Variants in DIP2A observed in about 807,000 individuals in gnomAD.
The protein encoded by DIP2A is disco-interacting protein 2 homolog A.
Under a neutral mutation model 177.4 loss-of-function variants are expected in DIP2A, and 85 were observed. The observed-to-expected ratio is 0.48, with a 90% CI of 0.40 to 0.57. The LOEUF is 0.57. DIP2A is among the 20% of genes least tolerant of loss of function. The pLI is 0.00. For missense variants in DIP2A, 1,791 were observed against 2,100.2 expected (o/e 0.85, Z 2.88); for synonymous variants, 886 against 881.8 (o/e 1.00, Z -0.08).
Position 46,549,857 on chromosome 21 carries a change from G to T in DIP2A, c.2609G>T (p.Ser870Ile). Residue 870 changes from serine (S) to isoleucine (I), a missense_variant, in exon 22 of 38, where the codon AGC becomes ATC. Coordinates refer to ENST00000417564, the MANE Select transcript of DIP2A (RefSeq NM_015151.4). Reference sequence around the variant, plus strand: ...CGGCCGGATGCCTCGGAGGAGGACAGCTTCCAGTGGATGAGCCGTGTGCTG... The same window carrying T: ...CGGCCGGATGCCTCGGAGGAGGACATCTTCCAGTGGATGAGCCGTGTGCTG... ...EQRPDASEED[S>I]FQWMSRVLQA... 1 of 1,612,440 alleles carries T rather than the reference G, an allele frequency of 6.2e-7. No homozygotes were observed. Among genetic ancestry groups the T allele is most frequent in the Non-Finnish European group, 8.5e-7 (1 of 1,179,956 alleles).
chr21:46,539,356 C>T (rs1010896375), intron 16 of DIP2A: 1 of 180,274 alleles, frequency 5.5e-6, no homozygotes, highest in African/African-American at 2.4e-5. Context: ...GACACCCCAT[C>T]TCTTGGGAGG....
chr21:46,468,203 C>G (rs2055016039), intron 1 of DIP2A, among the ~76,000 whole-genome samples: 2 of 143,462 alleles, frequency 1.4e-5, no homozygotes, highest in African/African-American at 5.2e-5. Context: ...GAGCCGGAGG[C>G]TGCAGTGAGC....
chr21:46,509,203 C>T lies in DIP2A; in HGVS notation c.785-54C>T, dbSNP rs1247042640. On this transcript the variant is annotated intron_variant, in intron 6 of 37. Coordinates refer to ENST00000417564, the MANE Select transcript of DIP2A (RefSeq NM_015151.4). ...TTGTCCTTGGACCTTACACCTGTGTCCACTTCTTCAGATGTGTCCTGGCCT... is the reference window on the plus strand; with the variant it reads ...TTGTCCTTGGACCTTACACCTGTGTTCACTTCTTCAGATGTGTCCTGGCCT... 1.9e-6 allele frequency: 3 copies of T among 1,548,984 alleles called. No individual in the cohort carries two copies. In the East Asian group the frequency reaches 6.8e-5, roughly 35 times the overall value.
At chr21:46,530,153 G>A (rs2059295510) in intron 9 of DIP2A, among the ~76,000 whole-genome samples, 1 of 152,084 alleles carries the variant, frequency 6.6e-6, no homozygotes, top group South Asian at 2.1e-4. Flanking sequence ...GAGGACCCTG[G>A]TATACTAGAA....
intron 1 of DIP2A, among the ~76,000 whole-genome samples, chr21:46,474,179 T>C (rs1364392232): frequency 6.6e-6 from 1 of 152,156 alleles, no homozygotes; most frequent in Non-Finnish European, 1.5e-5. Flanking sequence ...CTCTGGAGTT[T>C]CTGAAACACC....
chr21:46,498,471 T>G lies in DIP2A; in HGVS notation c.404-111T>G. The stretch of plus-strand genomic sequence containing the variant: ...TGGCTTTGGGCAGAGCTGTGCCAGG[T>G]GTACAGAAGCATGCTGCACACAGGT... On this transcript the variant is annotated intron_variant, in intron 4 of 37. Transcript: ENST00000417564. This position sits in a 1 kb window ranked among gnomAD's most constrained non-coding sequence, Gnocchi z 4.3. 1 of 1,318,992 alleles carries G rather than the reference T, an allele frequency of 7.6e-7. No homozygotes were observed. Among genetic ancestry groups the G allele is most frequent in the East Asian group, 2.3e-5 (1 of 43,050 alleles). 81.7% of individuals were successfully genotyped at this position (1,318,992 alleles called of 1,614,324 possible). A position where few individuals can be genotyped will look rare whatever the true frequency, so the allele number is the denominator to read the frequency against.
chr21:46,538,512 A>T lies in DIP2A; in HGVS notation c.1831A>T (p.Met611Leu). Reference protein sequence around the residue: ...ARAALVKSRDMHWSLLAQRGQ... With the variant: ...ARAALVKSRDLHWSLLAQRGQ... ...GGCCGCGCTGGTGAAGTCGCGAGAC[A>T]TGCACTGGTCTCTCCTAGCTCAGCG... The change falls in exon 16 of 38, where the codon ATG becomes TTG. Residue 611 changes from methionine to leucine, a missense_variant. Coordinates refer to ENST00000417564, the MANE Select transcript of DIP2A (RefSeq NM_015151.4). 6.4e-7 allele frequency: 1 copy of T among 1,555,330 alleles called. No individual in the cohort carries two copies. The highest frequency in any genetic ancestry group is 8.7e-7 in the Non-Finnish European group (1 of 1,152,568).
chr21:46,472,437 C>T lies in DIP2A; in HGVS notation c.92-12320C>T, dbSNP rs17372859. 9.9e-3 allele frequency among the ~76,000 whole-genome samples: 1,513 copies of T among 152,280 alleles called. 8 individuals carry two copies. The highest frequency in any genetic ancestry group is 0.014 in the Middle Eastern group (4 of 294). On this transcript the variant is annotated intron_variant, in intron 1 of 37. Transcript: ENST00000417564. ...CAGGAGGCTTACAGTCTAGCAGGGG[C>T]TGAAAGACATGTAAACAGTGGCAAT...
chr21:46,469,422 GA>G (rs1369883984), intron 1 of DIP2A: 1 of 152,234 alleles, frequency 6.6e-6, no homozygotes, highest in African/African-American at 2.4e-5. Flanking sequence ...TGACCAGAAA[GA>G]AAAAACTTAA....
In DIP2A at chr21:46,555,382, C is replaced by T. The variant is rs919472282; in HGVS notation, c.3388+449C>T. ...CCCCTGGCTCCCCTCTGCCGTGGACCTGTCTCAGCCTGGGCTGGATGGGGC... is the reference window on the plus strand; with the variant it reads ...CCCCTGGCTCCCCTCTGCCGTGGACTTGTCTCAGCCTGGGCTGGATGGGGC... On this transcript the variant is annotated intron_variant, in intron 28 of 37. Coordinates refer to ENST00000417564, the MANE Select transcript of DIP2A (RefSeq NM_015151.4). 1.8e-5 allele frequency: 4 copies of T among 222,514 alleles called. No individual in the cohort carries two copies. The Admixed American group carries it at 2.0e-4, about 11-fold the overall frequency. The allele number at this position is 222,514 out of a possible 1,614,324, so 13.8% of individuals were successfully genotyped here.
At chr21:46,479,103 G>A (rs1227934253) in intron 1 of DIP2A, among the ~76,000 whole-genome samples, 1 of 152,206 alleles carries the variant, frequency 6.6e-6, no homozygotes, top group African/African-American at 2.4e-5. Context: ...GTCCTTCTGA[G>A]TCCCAACAAA....
chr21:46,564,549 C>CGAATGTCCT (rs1458198622), intron 35 of DIP2A, among the ~76,000 whole-genome samples: 7 of 152,172 alleles, frequency 4.6e-5, no homozygotes, highest in Non-Finnish European at 1.0e-4. Context: ...CGTGCAGTCC[C>CGAATGTCCT]GAATGTGCAG....
intron 1 of DIP2A, among the ~76,000 whole-genome samples, chr21:46,474,161 T>G (rs2055642615): frequency 6.6e-6 from 1 of 152,124 alleles, no homozygotes; most frequent in South Asian, 2.1e-4. Flanking sequence ...AAGGAGGGTC[T>G]AGGGTGACTC....
chr21:46,563,011 G>T lies in DIP2A; in HGVS notation c.4090-847G>T, dbSNP rs1422801850. ...ATTGTTTAGCTCACCCCCTTTTATT[G>T]GACGTTCTTTCCTATTTTGCTGTTA... On this transcript the variant is annotated intron_variant, in intron 34 of 37. Coordinates refer to ENST00000417564, the MANE Select transcript of DIP2A (RefSeq NM_015151.4). This position sits in a 1 kb window ranked among gnomAD's most constrained non-coding sequence, Gnocchi z 4.3. Among the ~76,000 whole-genome samples the T allele has an allele frequency of 1.3e-5, 2 of 152,114 alleles. No individual in the cohort carries two copies. Among genetic ancestry groups the T allele is most frequent in the Non-Finnish European group, 1.5e-5 (1 of 68,026 alleles).
At chr21:46,516,131 T>C (rs749020991) in intron 8 of DIP2A, among the ~76,000 whole-genome samples, 1 of 152,132 alleles carries the variant, frequency 6.6e-6, no homozygotes, top group Non-Finnish European at 1.5e-5. Context: ...GCTTAAAAAG[T>C]GTTCTTTTTA....
rs372387821 is a variant in DIP2A, at chr21:46,554,660, C to T, written c.3240C>T (p.Leu1080=). The change falls in exon 27 of 38, where the codon CTC becomes CTT. Residue 1080 remains leucine (L), a synonymous_variant. Coordinates refer to ENST00000417564, the MANE Select transcript of DIP2A (RefSeq NM_015151.4). ...TGCGGCCCCCGCACCCTCAGAACCTCGGCACCACACTGCCCACCGTCAAGA... is the reference window on the plus strand; with the variant it reads ...TGCGGCCCCCGCACCCTCAGAACCTTGGCACCACACTGCCCACCGTCAAGA... The part of the protein sequence containing the change: ...VTVRPPHPQN[L]GTTLPTVKMI... 5.0e-5 allele frequency: 79 copies of T among 1,583,368 alleles called. No individual in the cohort carries two copies. Among genetic ancestry groups the T allele is most frequent in the Admixed American group, 1.5e-4 (8 of 55,088 alleles).
chr21:46,487,488 A>C (rs1305928192), intron 2 of DIP2A, among the ~76,000 whole-genome samples: 1 of 152,238 alleles, frequency 6.6e-6, no homozygotes, highest in Non-Finnish European at 1.5e-5. Flanking sequence ...TTGGGTGGTC[A>C]CAGCTGATGC....
chr21:46,507,747 A>G (rs1464002380), intron 6 of DIP2A, among the ~76,000 whole-genome samples: 2 of 110,508 alleles, frequency 1.8e-5, no homozygotes, highest in African/African-American at 7.2e-5. Context: ...GTCACCCAGG[A>G]TGGAGTGCAG....
downstream of DIP2A, among the ~76,000 whole-genome samples, chr21:46,570,648 T>A (rs536277362): frequency 1.4e-4 from 22 of 152,344 alleles, no homozygotes; most frequent in Middle Eastern, 3.4e-3. Flanking sequence ...TATAGCTGAT[T>A]TATTTCAAAG....
Sources: gnomAD v4.1 joint callset for allele counts (sites outside exome capture counted in the v4.1 genomes callset) on GRCh38, gnomAD v4.1.1 for gene constraint, Gnocchi (gnomAD v3.1) non-coding constraint, MANE v1.5 for transcripts, NCBI Gene and HGNC (gene_info 2026-07-23, HGNC 2026-07-21) for gene names.